The following PCDH9 variants were observed in gnomAD, a reference collection of about 807,000 sequenced individuals.
PCDH9 encodes the protein protocadherin 9.
A neutral mutation model predicts 70.6 loss-of-function variants in PCDH9; 24 were observed. That is an observed-to-expected ratio of 0.34 (90% CI 0.25 to 0.48). The LOEUF (loss-of-function observed/expected upper bound fraction) is 0.48. Ranked by LOEUF, PCDH9 falls within the 20% of genes least tolerant of loss-of-function variation. The pLI, the probability that PCDH9 is intolerant of heterozygous loss-of-function variation, is 0.99. For missense variants in PCDH9, 1,281 were observed against 1,503.6 expected (o/e 0.85, Z 2.45); for synonymous variants, 562 against 558.5 (o/e 1.01, Z -0.09).
At chr13:66,980,730 G>GTTTTTTTTTTTTTTTTTTTTTTTTTCTTT in intron 2 of PCDH9, among the ~76,000 whole-genome samples, 1 of 70,872 alleles carries the variant, frequency 1.4e-5, no homozygotes, top group Non-Finnish European at 2.7e-5. Context: ...TTTTTTCTTT[G>GTTTTTTTTTTTTTTTTTTTTTTTTTCTTT]TTTTTTTTTT....
intron 2 of PCDH9, among the ~76,000 whole-genome samples, chr13:67,085,370 A>G (rs567417310): frequency 1.3e-5 from 2 of 152,282 alleles, no homozygotes; most frequent in East Asian, 3.9e-4. Context: ...AAAAGGAAAG[A>G]TAAAGAAACA....
At chr13:66,391,290 T>A (rs1479245160) in intron 4 of PCDH9, among the ~76,000 whole-genome samples, 1 of 152,232 alleles carries the variant, frequency 6.6e-6, no homozygotes, top group African/African-American at 2.4e-5. Context: ...TACTGCCTAC[T>A]GACAAGCTAT....
intron 2 of PCDH9, among the ~76,000 whole-genome samples, chr13:67,141,839 T>C (rs1249616372): frequency 6.6e-6 from 1 of 152,010 alleles, no homozygotes; most frequent in African/African-American, 2.4e-5. Context: ...TCTCAAGAGA[T>C]TGCACCTCCT....
At position 66,304,558 on chromosome 13, in the gene PCDH9, G is replaced by T; in HGVS notation, c.*97C>A. 2.2e-6 allele frequency: 2 copies of T among 921,788 alleles called. No individual in the cohort carries two copies. Among genetic ancestry groups the T allele is most frequent in the Non-Finnish European group, 3.4e-6 (2 of 592,524 alleles). The allele number at this position is 921,788 out of a possible 1,614,324, so 57.1% of individuals were successfully genotyped here. A position where few individuals can be genotyped will look rare whatever the true frequency, so the allele number is the denominator to read the frequency against. The stretch of plus-strand genomic sequence containing the variant: ...AAAGTTATAGGTATCCCTGCTAGAA[G>T]GGGCATAGTTGTAGAGATCTATTGA... On this transcript the variant is annotated 3_prime_UTR_variant, in exon 5 of 5. Coordinates refer to ENST00000377865, the MANE Select transcript of PCDH9 (RefSeq NM_203487.3).
chr13:66,456,741 G>C (rs1958324802), intron 4 of PCDH9, among the ~76,000 whole-genome samples: 1 of 151,970 alleles, frequency 6.6e-6, no homozygotes, highest in Non-Finnish European at 1.5e-5. Flanking sequence ...TTTCTTCCAA[G>C]TATCACAGCC....
chr13:66,864,921 C>T (rs1173719073), intron 3 of PCDH9, among the ~76,000 whole-genome samples: 1 of 152,214 alleles, frequency 6.6e-6, no homozygotes, highest in African/African-American at 2.4e-5. Flanking sequence ...TGTTCTCAAT[C>T]ACTTTGCCGT....
At chr13:66,583,807 C>T (rs115131401) in intron 4 of PCDH9, among the ~76,000 whole-genome samples, 3,828 of 152,122 alleles carry the variant, frequency 0.025, 165 homozygotes, top group African/African-American at 0.088. Flanking sequence ...TTTTATGGAA[C>T]AGAGAAATAT....
chr13:66,570,759 G>C (rs1045349862), intron 4 of PCDH9, among the ~76,000 whole-genome samples: 2 of 152,064 alleles, frequency 1.3e-5, no homozygotes, highest in African/African-American at 4.8e-5. Context: ...AGAGGTTGAA[G>C]ACAACAGAAT....
intron 4 of PCDH9, among the ~76,000 whole-genome samples, chr13:66,491,065 T>G (rs995040694): frequency 6.6e-6 from 1 of 152,200 alleles, no homozygotes; most frequent in Non-Finnish European, 1.5e-5. Context: ...AGCTTCTTAG[T>G]TTCTCCTGAA....
chr13:67,088,480 T>C (rs1260527297), intron 2 of PCDH9, among the ~76,000 whole-genome samples: 1 of 151,988 alleles, frequency 6.6e-6, no homozygotes, highest in Admixed American at 6.6e-5. Flanking sequence ...AAGGTTAATA[T>C]AAAATAACTT....
chr13:66,659,810 G>C (rs1249621680), intron 3 of PCDH9, among the ~76,000 whole-genome samples: 1 of 152,054 alleles, frequency 6.6e-6, no homozygotes, highest in Non-Finnish European at 1.5e-5. Context: ...GTGCCTGTGT[G>C]TGTGTGTTTT....
chr13:66,895,949 G>A (rs539372760), intron 3 of PCDH9, among the ~76,000 whole-genome samples: 11 of 152,274 alleles, frequency 7.2e-5, no homozygotes, highest in African/African-American at 1.2e-4. Context: ...ATCTTTGGCC[G>A]ATAAGCCTAT....
intron 3 of PCDH9, among the ~76,000 whole-genome samples, chr13:66,674,414 T>C (rs779732303): frequency 7.3e-6 from 1 of 136,896 alleles, no homozygotes; most frequent in Non-Finnish European, 1.6e-5. Flanking sequence ...CACTTTATAC[T>C]GTATTGTGTT....
intron 3 of PCDH9, among the ~76,000 whole-genome samples, chr13:66,802,616 G>T (rs1408230421): frequency 6.6e-6 from 1 of 151,950 alleles, no homozygotes; most frequent in Non-Finnish European, 1.5e-5. Context: ...GTGCTGTAAA[G>T]TTTAAAAGTT....
chr13:66,625,509 T>G (rs892803209), intron 4 of PCDH9, among the ~76,000 whole-genome samples: 11 of 152,352 alleles, frequency 7.2e-5, no homozygotes, highest in Admixed American at 3.9e-4. Flanking sequence ...AATTGAATGC[T>G]GATGTAATCG....
intron 2 of PCDH9, among the ~76,000 whole-genome samples, chr13:66,947,189 A>G (rs546496116): frequency 6.6e-6 from 1 of 152,150 alleles, no homozygotes; most frequent in African/African-American, 2.4e-5. Flanking sequence ...GAAATTTTTC[A>G]TTCTGTACAT....
chr13:66,579,329 C>T (rs1266457591), intron 4 of PCDH9, among the ~76,000 whole-genome samples: 2 of 151,972 alleles, frequency 1.3e-5, no homozygotes, highest in South Asian at 2.1e-4. Flanking sequence ...TATAAATATA[C>T]TGAAGTATAT....
At chr13:67,129,708 TA>T (rs1228572559) in intron 2 of PCDH9, among the ~76,000 whole-genome samples, 1 of 151,934 alleles carries the variant, frequency 6.6e-6, no homozygotes, top group East Asian at 1.9e-4. Flanking sequence ...TCTCTATAGT[TA>T]AAGGAGCTAG....
chr13:66,944,692 C>T (rs925374710), intron 2 of PCDH9, among the ~76,000 whole-genome samples: 3 of 152,260 alleles, frequency 2.0e-5, no homozygotes, highest in African/African-American at 7.2e-5. Context: ...AACCAACCCT[C>T]CCTGGGGAGG....
Sources: allele counts gnomAD v4.1 joint callset (sites outside exome capture counted in the v4.1 genomes callset), GRCh38; gene constraint gnomAD v4.1.1; transcripts MANE v1.5; gene names NCBI Gene and HGNC (gene_info 2026-07-23, HGNC 2026-07-21).